Variants in FSTL5 observed in about 807,000 individuals in gnomAD.
The protein encoded by FSTL5 is follistatin like 5, also known as follistatin-related protein 5.
Under a neutral mutation model 89.1 loss-of-function variants are expected in FSTL5, and 62 were observed. That is an observed-to-expected ratio of 0.70 (90% CI 0.57 to 0.86). FSTL5 has a LOEUF of 0.86. FSTL5 is among the 40% of genes least tolerant of loss of function. The pLI is 0.00. For synonymous variants in FSTL5, 383 were observed against 346.2 expected (o/e 1.11, Z -1.18); for missense variants, 1,057 against 1,001.6 (o/e 1.06, Z -0.75).
chr4:161,625,503 T>A (rs1735285059), intron 7 of FSTL5, among the ~76,000 whole-genome samples: 1 of 152,086 alleles, frequency 6.6e-6, no homozygotes, highest in African/African-American at 2.4e-5. Context: ...CGTGTGTTCT[T>A]AATTGAAAAA....
At chr4:161,649,748 C>T (rs1265932314) in intron 7 of FSTL5, among the ~76,000 whole-genome samples, 1 of 152,138 alleles carries the variant, frequency 6.6e-6, no homozygotes, top group Non-Finnish European at 1.5e-5. Flanking sequence ...AGCCTCCCTG[C>T]TATGATTTTT....
At chr4:161,931,670 T>A (rs1264673028) in intron 3 of FSTL5, among the ~76,000 whole-genome samples, 4 of 151,892 alleles carry the variant, frequency 2.6e-5, no homozygotes, top group African/African-American at 9.7e-5. Flanking sequence ...GTCACAAATT[T>A]TAAGTTTTTG....
At chr4:161,393,883 T>C (rs570971277) in intron 15 of FSTL5, among the ~76,000 whole-genome samples, 22 of 152,204 alleles carry the variant, frequency 1.4e-4, no homozygotes, top group Non-Finnish European at 2.6e-4. Context: ...CCTTGCAATC[T>C]CCAGTCAGGC....
intron 1 of FSTL5, among the ~76,000 whole-genome samples, chr4:162,117,177 T>C (rs1013658276): frequency 2.0e-5 from 3 of 152,214 alleles, no homozygotes; most frequent in Admixed American, 6.5e-5. Context: ...ACAGGAAAAC[T>C]GACTTCTAGA....
At chr4:162,033,170 T>C (rs747720823) in intron 3 of FSTL5, among the ~76,000 whole-genome samples, 4 of 152,208 alleles carry the variant, frequency 2.6e-5, no homozygotes, top group Admixed American at 6.6e-5. Context: ...ATGTGGACTA[T>C]GCCATACTAG....
intron 8 of FSTL5, among the ~76,000 whole-genome samples, chr4:161,576,052 G>A (rs111278020): frequency 0.21 from 32,106 of 151,994 alleles, 3,591 homozygotes; most frequent in Non-Finnish European, 0.24. Context: ...CAAATCATGA[G>A]TGAAATCCCA....
intron 15 of FSTL5, among the ~76,000 whole-genome samples, chr4:161,430,945 A>G (rs1732343008): frequency 1.3e-5 from 2 of 152,116 alleles, no homozygotes; most frequent in South Asian, 4.2e-4. Context: ...GCTTTATCCT[A>G]GAATAGTATA....
At chr4:161,725,476 A>G (rs2126756148) in intron 6 of FSTL5, among the ~76,000 whole-genome samples, 1 of 151,908 alleles carries the variant, frequency 6.6e-6, no homozygotes, top group Non-Finnish European at 1.5e-5. Context: ...CTATATTAAA[A>G]GTTACTTGCG....
intron 4 of FSTL5, among the ~76,000 whole-genome samples, chr4:161,836,329 A>G (rs1211497350): frequency 4.0e-5 from 6 of 150,404 alleles, no homozygotes; most frequent in Non-Finnish European, 8.9e-5. Context: ...GGGAAGGGAC[A>G]GTTTTAGGAG....
At chr4:161,431,210 A>G (rs1341625805) in intron 15 of FSTL5, among the ~76,000 whole-genome samples, 1 of 152,194 alleles carries the variant, frequency 6.6e-6, no homozygotes, top group Non-Finnish European at 1.5e-5. Context: ...TAGAAAGACT[A>G]AAAAATGAAC....
chr4:161,585,817 C>A (rs1051804212), intron 8 of FSTL5, among the ~76,000 whole-genome samples: 2 of 152,128 alleles, frequency 1.3e-5, no homozygotes, highest in African/African-American at 4.8e-5. Flanking sequence ...CCTACCCTCT[C>A]AAGATTGTGT....
chr4:161,506,086 T>G lies in FSTL5; in HGVS notation c.1339+4312A>C, dbSNP rs182838875. Among the ~76,000 whole-genome samples the G allele has an allele frequency of 4.0e-3, 607 of 152,252 alleles. 5 individuals carry two copies. The highest frequency in any genetic ancestry group is 0.014 in the African/African-American group (588 of 41,556). ...CCCTGTTATTTCTGAGGCAGGATAT[T>G]GCTCTGTCCCTCAGTTTGGACAGTG... On this transcript the variant is annotated intron_variant, in intron 11 of 15. Transcript: ENST00000306100.
intron 7 of FSTL5, among the ~76,000 whole-genome samples, chr4:161,615,246 A>G (rs987795112): frequency 3.6e-5 from 5 of 137,744 alleles, no homozygotes; most frequent in African/African-American, 1.4e-4. Flanking sequence ...GTGAGCAGAG[A>G]TTGCACCACT....
At chr4:161,429,570 A>T (rs1732281886) in intron 15 of FSTL5, among the ~76,000 whole-genome samples, 1 of 152,180 alleles carries the variant, frequency 6.6e-6, no homozygotes, top group South Asian at 2.1e-4. Context: ...CTGCCCAGTA[A>T]TCAGATAATT....
chr4:161,563,003 T>G (rs895527841), intron 8 of FSTL5, among the ~76,000 whole-genome samples: 1 of 151,970 alleles, frequency 6.6e-6, no homozygotes, highest in Non-Finnish European at 1.5e-5. Context: ...GTCTGAAGGA[T>G]GTAACAACAA....
At chr4:161,770,974 A>G (rs1165139771) in intron 5 of FSTL5, among the ~76,000 whole-genome samples, 13 of 152,018 alleles carry the variant, frequency 8.6e-5, no homozygotes, top group Admixed American at 8.5e-4. Context: ...TCCTTAAATG[A>G]GATGAACAAA....
At chr4:161,598,225 A>C (rs924822091) in intron 7 of FSTL5, among the ~76,000 whole-genome samples, 4 of 151,998 alleles carry the variant, frequency 2.6e-5, no homozygotes, top group African/African-American at 9.7e-5. Context: ...AAATACAAAA[A>C]TTAGCTGGGT....
At chr4:161,506,813 T>C (rs910308828) in intron 11 of FSTL5, among the ~76,000 whole-genome samples, 3 of 152,206 alleles carry the variant, frequency 2.0e-5, no homozygotes, top group African/African-American at 7.2e-5. Context: ...ATATTAACTT[T>C]GTTGTATAAT....
chr4:161,751,699 T>G (rs145824931), intron 6 of FSTL5, among the ~76,000 whole-genome samples: 162 of 152,014 alleles, frequency 1.1e-3, no homozygotes, highest in African/African-American at 3.4e-3. Flanking sequence ...GAGGATTGCT[T>G]GAGCCCAGGA....
Sources: allele counts gnomAD v4.1 joint callset (sites outside exome capture counted in the v4.1 genomes callset), GRCh38; gene constraint gnomAD v4.1.1; transcripts MANE v1.5; gene names NCBI Gene and HGNC (gene_info 2026-07-23, HGNC 2026-07-21).